The following SGCZ variants were observed in gnomAD, a reference collection of about 807,000 sequenced individuals.
SGCZ encodes zeta-sarcoglycan.
A neutral mutation model predicts 41.3 loss-of-function variants in SGCZ; 40 were observed. The observed-to-expected ratio is 0.97, with a 90% CI of 0.75 to 1.26. The LOEUF (loss-of-function observed/expected upper bound fraction) is 1.26, where lower values mean the gene tolerates loss of function less well. Among genes scored for constraint, SGCZ ranks in the 50% most tolerant of loss-of-function variants. SGCZ has a pLI of 0.00. For missense variants in SGCZ, 552 were observed against 369.8 expected, an observed-to-expected ratio of 1.49 and a Z score of -4.04; for synonymous variants, 206 against 137.5, an observed-to-expected ratio of 1.50 and a Z score of -3.49.
intron 1 of SGCZ, among the ~76,000 whole-genome samples, chr8:15,174,507 G>A (rs138387309): frequency 3.3e-5 from 5 of 152,146 alleles, no homozygotes; most frequent in East Asian, 1.9e-4. Flanking sequence ...AAATACAAAA[G>A]TATACTTTAT....
intron 1 of SGCZ, among the ~76,000 whole-genome samples, chr8:14,833,191 G>A (rs1204753129): frequency 2.0e-5 from 3 of 152,050 alleles, no homozygotes; most frequent in African/African-American, 4.8e-5. Context: ...GAATTAATAT[G>A]CCAAAGTATA....
chr8:15,022,755 C>G (rs1043778820), intron 1 of SGCZ, among the ~76,000 whole-genome samples: 1 of 152,176 alleles, frequency 6.6e-6, no homozygotes, highest in Non-Finnish European at 1.5e-5. Context: ...ACTATTATAA[C>G]TTTCATATTC....
At chr8:14,537,232 T>C (rs1340486264) in intron 2 of SGCZ, among the ~76,000 whole-genome samples, 2 of 151,916 alleles carry the variant, frequency 1.3e-5, no homozygotes, top group Non-Finnish European at 2.9e-5. Flanking sequence ...ATTTCTGTCA[T>C]CTTGGGAGCA....
At position 14,730,718 on chromosome 8, in the gene SGCZ, C is replaced by A. The variant is rs945595187; in HGVS notation, c.40-175792G>T. On this transcript the variant is annotated intron_variant, in intron 1 of 7. Transcript: ENST00000382080. ...ACTGGGGCCAACATGTTCACCAAGGCACCTCCATTCCCTAGGACTTGTGCC... is the reference window on the plus strand; with the variant it reads ...ACTGGGGCCAACATGTTCACCAAGGAACCTCCATTCCCTAGGACTTGTGCC... 2.6e-5 allele frequency among the ~76,000 whole-genome samples: 4 copies of A among 151,846 alleles called. No individual in the cohort carries two copies. In the East Asian group the frequency reaches 7.7e-4, roughly 29 times the overall value.
chr8:14,325,999 G>C (rs1227090952), intron 2 of SGCZ, among the ~76,000 whole-genome samples: 41 of 147,792 alleles, frequency 2.8e-4, no homozygotes, highest in African/African-American at 9.6e-4. Flanking sequence ...GTAGTCCCAG[G>C]TACTCGGAAG....
At chr8:14,896,484 A>G (rs1209669083) in intron 1 of SGCZ, among the ~76,000 whole-genome samples, 1 of 150,470 alleles carries the variant, frequency 6.6e-6, no homozygotes, top group Admixed American at 6.7e-5. Flanking sequence ...TATCATTATT[A>G]TGATTATTTT....
intron 1 of SGCZ, among the ~76,000 whole-genome samples, chr8:15,235,187 G>A (rs554158920): frequency 1.2e-4 from 18 of 152,188 alleles, no homozygotes; most frequent in African/African-American, 3.9e-4. Context: ...AACCAACTCC[G>A]CTAAAAACAA....
chr8:14,522,350 C>A (rs971047911), intron 2 of SGCZ, among the ~76,000 whole-genome samples: 1 of 151,912 alleles, frequency 6.6e-6, no homozygotes, highest in African/African-American at 2.4e-5. Context: ...TTAGTGAAAT[C>A]TTCAGTGAAA....
At chr8:15,029,896 CT>C (rs890460891) in intron 1 of SGCZ, among the ~76,000 whole-genome samples, 3 of 151,814 alleles carry the variant, frequency 2.0e-5, no homozygotes, top group South Asian at 2.1e-4. Context: ...TGTGTAGTCT[CT>C]TTCAAAGCAA....
intron 1 of SGCZ, among the ~76,000 whole-genome samples, chr8:14,791,792 A>G (rs1800964128): frequency 6.6e-6 from 1 of 152,174 alleles, no homozygotes; most frequent in Non-Finnish European, 1.5e-5. Context: ...AGCAGTTCTG[A>G]ATCATCAGTA....
At chr8:15,230,185 T>TA (rs200066472) in intron 1 of SGCZ, among the ~76,000 whole-genome samples, 2,821 of 139,336 alleles carry the variant, frequency 0.02, 33 homozygotes, top group African/African-American at 0.035. Flanking sequence ...GGATACTAGT[T>TA]AAAAAAAAAA....
intron 1 of SGCZ, among the ~76,000 whole-genome samples, chr8:15,128,262 C>T (rs988126478): frequency 1.3e-5 from 2 of 152,024 alleles, no homozygotes; most frequent in Non-Finnish European, 2.9e-5. Flanking sequence ...CCGGTGATGT[C>T]TTGGTTACTC....
chr8:14,926,880 C>A (rs1420673099), intron 1 of SGCZ, among the ~76,000 whole-genome samples: 1 of 152,026 alleles, frequency 6.6e-6, no homozygotes, highest in Non-Finnish European at 1.5e-5. Context: ...ACCTCGTGAT[C>A]CACCAGCCTT....
chr8:15,044,198 T>C (rs1037431316), intron 1 of SGCZ, among the ~76,000 whole-genome samples: 1 of 152,168 alleles, frequency 6.6e-6, no homozygotes, highest in Non-Finnish European at 1.5e-5. Context: ...GTCAGTATCA[T>C]AGGCTACAAA....
chr8:14,981,506 A>C (rs867311138), intron 1 of SGCZ, among the ~76,000 whole-genome samples: 1 of 152,304 alleles, frequency 6.6e-6, no homozygotes. Context: ...ATTTCGCAAT[A>C]AGAATAATCA....
At chr8:14,768,609 C>G (rs745920683) in intron 1 of SGCZ, among the ~76,000 whole-genome samples, 2 of 152,128 alleles carry the variant, frequency 1.3e-5, no homozygotes, top group African/African-American at 2.4e-5. Flanking sequence ...GCCTGCATCC[C>G]TTCCCCATCA....
At chr8:14,471,141 G>C (rs769856204) in intron 2 of SGCZ, among the ~76,000 whole-genome samples, 6 of 151,846 alleles carry the variant, frequency 4.0e-5, no homozygotes, top group Admixed American at 6.6e-5. Context: ...TTTATAACTT[G>C]GGCTTTCTTC....
At chr8:14,895,684 T>C (rs1805170147) in intron 1 of SGCZ, among the ~76,000 whole-genome samples, 1 of 152,190 alleles carries the variant, frequency 6.6e-6, no homozygotes, top group Admixed American at 6.5e-5. Flanking sequence ...TCTACTAAAA[T>C]ATTACTGTGT....
chr8:14,780,374 CAAAA>C (rs533888354), intron 1 of SGCZ, among the ~76,000 whole-genome samples: 2 of 79,064 alleles, frequency 2.5e-5, no homozygotes, highest in Non-Finnish European at 5.3e-5. Flanking sequence ...GACTCCATCT[CAAAA>C]AAAAAAAAAA....
Sources: allele counts gnomAD v4.1 joint callset (sites outside exome capture counted in the v4.1 genomes callset), GRCh38; gene constraint gnomAD v4.1.1; transcripts MANE v1.5; gene names NCBI Gene and HGNC (gene_info 2026-07-23, HGNC 2026-07-21).